SNX19: variants seen among roughly 807,000 people sequenced by gnomAD.
The protein encoded by SNX19 is sorting nexin 19.
In SNX19, 60 loss-of-function variants were observed where a neutral mutation model predicts 85.2. That is an observed-to-expected ratio of 0.70 (90% CI 0.57 to 0.87). The LOEUF (loss-of-function observed/expected upper bound fraction) is 0.87. Ranked by LOEUF, SNX19 falls within the 40% of genes least tolerant of loss-of-function variation. SNX19 has a pLI of 0.00. For missense variants in SNX19, 1,201 were observed against 1,217.8 expected, an observed-to-expected ratio of 0.99 and a Z score of 0.21; for synonymous variants, 520 against 470.0, an observed-to-expected ratio of 1.11 and a Z score of -1.38.
intron 9 of SNX19, among the ~76,000 whole-genome samples, chr11:130,880,159 G>C (rs997631649): frequency 2.0e-5 from 3 of 152,170 alleles, no homozygotes. Context: ...TATTGCTAAA[G>C]GCCATGTACC....
In SNX19 at chr11:130,910,360, A is replaced by G. The variant is rs1232432691; in HGVS notation, c.1824T>C (p.Gly608=). ...DLRKFIKNVK[G]PKKLFPDLPL... ...GAAGATCTGGAAAGAGCTTTTTAGG[A>G]CCCTTCACATCTTCCAAAAAAAAAA... The change falls in exon 3 of 11, where the codon GGT becomes GGC. Residue 608 remains glycine (G), a synonymous_variant. Transcript: ENST00000265909. 3.8e-6 allele frequency: 6 copies of G among 1,591,482 alleles called. No homozygotes were observed. The highest frequency in any genetic ancestry group is 5.1e-6 in the Non-Finnish European group (6 of 1,172,116).
Position 130,914,957 on chromosome 11 carries a change from T to G in SNX19, c.983A>C (p.Glu328Ala). ...EPEGSAGPSP[E>A]VEEGHEAVEG... ...TACAGCTTCGTGGCCTTCTTCAACC[T>G]CTGGAGAGGGGCCTGCAGAACCCTC... The change falls in exon 1 of 11, where the codon GAG (glutamate) becomes GCG (alanine). Residue 328 changes from glutamate to alanine, a missense_variant. Around this residue, in one of 3 missense-constraint regions of SNX19, gnomAD observed 791 missense variants for 750.9 expected, o/e 1.05. Transcript: ENST00000265909. 6.2e-7 allele frequency: 1 copy of G among 1,614,142 alleles called. No individual in the cohort carries two copies. The highest frequency in any genetic ancestry group is 1.1e-5 in the South Asian group (1 of 91,084).
intron 10 of SNX19, 30 bp downstream of exon 10, chr11:130,879,594 C>G (rs758703665): frequency 1.3e-6 from 2 of 1,592,834 alleles, no homozygotes; most frequent in Non-Finnish European, 1.7e-6. Context: ...TGTAACTATG[C>G]TGATGTTGGA....
rs537310013 is a variant in SNX19, at chr11:130,909,357, G to A, written c.2034+661C>T. 1.5e-4 allele frequency among the ~76,000 whole-genome samples: 23 copies of A among 152,280 alleles called. 1 individual carries two copies. The South Asian group carries it at 3.7e-3, about 25-fold the overall frequency. On this transcript the variant is annotated intron_variant, in intron 4 of 10. Coordinates refer to ENST00000265909, the MANE Select transcript of SNX19 (RefSeq NM_014758.3). ...TGCTCCAAGCCTAGATGAGAAGAGG[G>A]AGGCTACTCTTCCGCCAATGTGTCA...
intron 1 of SNX19, among the ~76,000 whole-genome samples, chr11:130,913,534 G>A (rs1946307253): frequency 6.6e-6 from 1 of 152,234 alleles, no homozygotes. Context: ...GTTCGGAGGA[G>A]TGTAGCAAGC....
chr11:130,896,749 A>G (rs926141397), intron 8 of SNX19, among the ~76,000 whole-genome samples: 5 of 152,268 alleles, frequency 3.3e-5, no homozygotes, highest in African/African-American at 1.2e-4. Context: ...TAATATAAAC[A>G]GTACATAGCT....
rs1330980584 is a variant in SNX19, at chr11:130,906,071, C to T, written c.2325G>A (p.Leu775=). 4 of 1,614,158 alleles carry T rather than the reference C, an allele frequency of 2.5e-6. No homozygotes were observed. Among genetic ancestry groups the T allele is most frequent in the Non-Finnish European group, 3.4e-6 (4 of 1,180,036 alleles). Residue 775 remains leucine, a synonymous_variant, in exon 7 of 11, where the codon CTG becomes CTA. Coordinates refer to ENST00000265909, the MANE Select transcript of SNX19 (RefSeq NM_014758.3). ...CTGGGGCTTTTGTTGGCTGCATTTC[C>T]AGTAACTTTGTCTGTTTTTCAATAA... ...ESFIEKQTKL[L]EMQPTKAPEK... is the part of the protein sequence containing the mutation.
rs764584607 is a variant in SNX19 at position 130,911,694 on chromosome 11, C to A, written c.1752G>T (p.Arg584=). Residue 584 remains arginine (R), a synonymous_variant, in exon 2 of 11, where the codon CGG becomes CGT. Transcript: ENST00000265909. ...GACGGGTCTGCAGATTCAAGAACTCCCGATAGCGACGATTCACAGTGTGGT... is the reference window on the plus strand; with the variant it reads ...GACGGGTCTGCAGATTCAAGAACTCACGATAGCGACGATTCACAGTGTGGT... ...LAYHTVNRRY[R]EFLNLQTRLE... is the part of the protein sequence containing the mutation. 6.2e-7 allele frequency: 1 copy of A among 1,614,172 alleles called. No homozygotes were observed. Among genetic ancestry groups the A allele is most frequent in the East Asian group, 2.2e-5 (1 of 44,882 alleles).
Position 130,915,459 on chromosome 11 carries a change from G to A in SNX19, c.481C>T (p.Leu161Phe). 6.2e-7 allele frequency: 1 copy of A among 1,614,126 alleles called. No individual in the cohort carries two copies. The highest frequency in any genetic ancestry group is 8.5e-7 in the Non-Finnish European group (1 of 1,180,050). Residue 161 changes from leucine (L) to phenylalanine (F), a missense_variant, in exon 1 of 11, where the codon CTC becomes TTC. This residue lies in a region of SNX19 where 791 missense variants were observed against 750.9 expected (regional missense o/e 1.05). Transcript: ENST00000265909. ...TAGCTCTGCAGGTGACAACCGCAGA[G>A]AGTCAGAACACTCTGGGCAACAGCA... ...SHAVAQSVLT[L>F]CGCHLQSYIQ... is the part of the protein sequence containing the mutation.
chr11:130,910,218 G>C, intron 3 of SNX19, 52 bp downstream of exon 3: 1 of 1,611,962 alleles, frequency 6.2e-7, no homozygotes, highest in Non-Finnish European at 8.5e-7. Flanking sequence ...GTGTTCTGGG[G>C]TTAGACACCC....
intron 8 of SNX19, among the ~76,000 whole-genome samples, chr11:130,890,698 G>A (rs7938231): frequency 6.6e-6 from 1 of 151,794 alleles, no homozygotes; most frequent in Non-Finnish European, 1.5e-5. Flanking sequence ...CGCTGGCAAC[G>A]CCCCACATTC....
intron 7 of SNX19, among the ~76,000 whole-genome samples, chr11:130,904,726 T>G (rs1441773849): frequency 6.6e-6 from 1 of 150,962 alleles, no homozygotes; most frequent in Non-Finnish European, 1.5e-5. Flanking sequence ...CATATGAGCA[T>G]TTTGAGTCTC....
intron 4 of SNX19, among the ~76,000 whole-genome samples, chr11:130,908,961 C>G: frequency 6.6e-6 from 1 of 152,182 alleles, no homozygotes; most frequent in Non-Finnish European, 1.5e-5. Flanking sequence ...ATAGCCAAGA[C>G]AAGGCTGAAG....
chr11:130,912,163 G>A (rs73028887), intron 1 of SNX19, among the ~76,000 whole-genome samples: 24,138 of 152,096 alleles, frequency 0.16, 2,174 homozygotes, highest in Middle Eastern at 0.24. Context: ...ATACTCTCCC[G>A]TGATTATTTA....
At chr11:130,893,741 G>T (rs1447695641) in intron 8 of SNX19, 1 of 695,338 alleles carries the variant, frequency 1.4e-6, no homozygotes, top group Non-Finnish European at 2.6e-6. Flanking sequence ...GGGGAGAGAG[G>T]AGGCAGGTGT....
At chr11:130,884,331 T>C (rs976908176) in intron 8 of SNX19, among the ~76,000 whole-genome samples, 12 of 151,374 alleles carry the variant, frequency 7.9e-5, no homozygotes, top group Non-Finnish European at 1.8e-4. Context: ...CATCTCGCGA[T>C]TTCTACACTG....
chr11:130,901,426 T>C (rs1565533798), intron 8 of SNX19, among the ~76,000 whole-genome samples: 1 of 152,020 alleles, frequency 6.6e-6, no homozygotes, highest in African/African-American at 2.4e-5. Context: ...GCTTAATATA[T>C]GAAAAATGTT....
In SNX19 at chr11:130,878,281, G is replaced by C; in HGVS notation, c.*141C>G. ...CCTGTCACCTGCTACAAATGGAGCA[G>C]AAGTGGGAGAGAAGTGAGCCACCGA... is the stretch of plus-strand genomic sequence containing the variant. On this transcript the variant is annotated 3_prime_UTR_variant, in exon 11 of 11. Coordinates refer to ENST00000265909, the MANE Select transcript of SNX19 (RefSeq NM_014758.3). 1 of 878,462 alleles carries C rather than the reference G, an allele frequency of 1.1e-6. No individual in the cohort carries two copies. Among genetic ancestry groups the C allele is most frequent in the South Asian group, 2.2e-5 (1 of 45,610 alleles). 54.4% of individuals were successfully genotyped at this position (878,462 alleles called of 1,614,324 possible). A position where few individuals can be genotyped will look rare whatever the true frequency, so the allele number is the denominator to read the frequency against.
chr11:130,895,027 G>A, intron 8 of SNX19: 1 of 985,390 alleles, frequency 1.0e-6, no homozygotes, highest in Non-Finnish European at 1.2e-6. Flanking sequence ...TGACTTCAAA[G>A]TCCAAGTTCT....
Sources: gnomAD v4.1 joint callset for allele counts (sites outside exome capture counted in the v4.1 genomes callset) on GRCh38, gnomAD v4.1.1 for gene constraint, gnomAD v4.1.1 regional missense constraint, MANE v1.5 for transcripts, NCBI Gene and HGNC (gene_info 2026-07-23, HGNC 2026-07-21) for gene names.